SFT2D3: variants seen among roughly 807,000 people sequenced by gnomAD.
SFT2D3 encodes the protein SFT2 domain containing 3, also known as vesicle transport protein SFT2C.
For missense variants in SFT2D3, 405 were observed against 334.6 expected, an observed-to-expected ratio of 1.21 and a Z score of -1.64; for synonymous variants, 239 against 191.2, an observed-to-expected ratio of 1.25 and a Z score of -2.06.
Position 127,702,082 on chromosome 2 carries a change from T to C in SFT2D3, c.554T>C (p.Val185Ala), listed in dbSNP as rs1358766425. 1 of 1,225,488 alleles carries C rather than the reference T, an allele frequency of 8.2e-7. No homozygotes were observed. 75.9% of individuals were successfully genotyped at this position (1,225,488 alleles called of 1,614,324 possible). A position where few individuals can be genotyped will look rare whatever the true frequency, so the allele number is the denominator to read the frequency against. Reference sequence around the variant, plus strand: ...GTGGCCGCGCTGCTGGCCGCGCTGGTTGGGCTGCTGCCCTGGGGCGGCGGC... The same window carrying C: ...GTGGCCGCGCTGCTGGCCGCGCTGGCTGGGCTGCTGCCCTGGGGCGGCGGC... ...AQVAALLAALVGLLPWGGGTA... is the reference protein window; with the variant it reads ...AQVAALLAALAGLLPWGGGTA... The change falls in exon 1 of 1, where the codon GTT (valine) becomes GCT (alanine). Residue 185 changes from valine to alanine, a missense_variant. Physicochemically the swap from Val to Ala is moderately conservative, Grantham distance 64 (BLOSUM62 0). Transcript: ENST00000310981.
rs1319084902 is a variant in SFT2D3 at position 127,704,136 on chromosome 2, A to G, written c.*1960A>G. 6.0e-6 allele frequency: 1 copy of G among 166,618 alleles called. No homozygotes were observed. Among genetic ancestry groups the G allele is most frequent in the Non-Finnish European group, 1.5e-5 (1 of 68,080 alleles). The allele number at this position is 166,618 out of a possible 1,614,324, so 10.3% of individuals were successfully genotyped here. On this transcript the variant is annotated 3_prime_UTR_variant, in exon 1 of 1. Coordinates refer to ENST00000310981, the MANE Select transcript of SFT2D3 (RefSeq NM_032740.4). ...GACCTTGTCTCAAAAATTTTTTCTC[A>G]AATCAAACATCATTGAAAATCTACT...
rs1380760880 is a variant in SFT2D3 at position 127,704,462 on chromosome 2, G to C, written c.*2286G>C. ...GATATGGGTTTGGTCTCTGGATCCG[G>C]TTTTAGCTTCATGAAATTTGATTAC... On this transcript the variant is annotated 3_prime_UTR_variant, in exon 1 of 1. Transcript: ENST00000310981. 1 of 166,994 alleles carries C rather than the reference G, an allele frequency of 6.0e-6. No individual in the cohort carries two copies. The highest frequency in any genetic ancestry group is 2.4e-5 in the African/African-American group (1 of 41,408). The allele number at this position is 166,994 out of a possible 1,614,324, so 10.3% of individuals were successfully genotyped here. A position where few individuals can be genotyped will look rare whatever the true frequency, so the allele number is the denominator to read the frequency against.
Position 127,701,562 on chromosome 2 carries a change from C to T in SFT2D3, c.34C>T (p.Leu12=). The T allele has an allele frequency of 3.7e-6, 5 of 1,368,982 alleles. No homozygotes were observed. The highest frequency in any genetic ancestry group is 2.8e-4 in the Middle Eastern group (1 of 3,610). The allele number at this position is 1,368,982 out of a possible 1,614,324, so 84.8% of individuals were successfully genotyped here. A position where few individuals can be genotyped will look rare whatever the true frequency, so the allele number is the denominator to read the frequency against. ...ADLHRQLQEY[L]AQGKAGGPAA... ...CCTCCACCGCCAGCTGCAGGAGTAC[C>T]TGGCGCAGGGGAAAGCTGGCGGCCC... The change falls in exon 1 of 1, where the codon CTG becomes TTG. Residue 12 remains leucine (L), a synonymous_variant. Transcript: ENST00000310981.
Position 127,701,777 on chromosome 2 carries a change from C to T in SFT2D3, c.249C>T (p.Cys83=), listed in dbSNP as rs1685890532. The T allele has an allele frequency of 7.0e-7, 1 of 1,430,088 alleles. No homozygotes were observed. Among genetic ancestry groups the T allele is most frequent in the Non-Finnish European group, 9.2e-7 (1 of 1,091,960 alleles). The allele number at this position is 1,430,088 out of a possible 1,614,324, so 88.6% of individuals were successfully genotyped here. A position where few individuals can be genotyped will look rare whatever the true frequency, so the allele number is the denominator to read the frequency against. Residue 83 remains cysteine (C), a synonymous_variant, in exon 1 of 1, where the codon TGC becomes TGT. Coordinates refer to ENST00000310981, the MANE Select transcript of SFT2D3 (RefSeq NM_032740.4). The stretch of plus-strand genomic sequence containing the variant: ...AGCGGCTGGCGGCGGGCGGCGGGTG[C>T]CTGCTGCTGGCTGCACTGTGTTTCG... ...RGQRLAAGGG[C]LLLAALCFGL... is the part of the protein sequence containing the mutation.
Position 127,702,213 on chromosome 2 carries a change from G to A in SFT2D3, c.*37G>A, listed in dbSNP as rs1685909928. On this transcript the variant is annotated 3_prime_UTR_variant, in exon 1 of 1. Transcript: ENST00000310981. ...CCTCGCCGCTGGGGAAGTACGCGGAGCCAGCGCCGTCGGAGACCGCGCCGG... is the reference window on the plus strand; with the variant it reads ...CCTCGCCGCTGGGGAAGTACGCGGAACCAGCGCCGTCGGAGACCGCGCCGG... The A allele has an allele frequency of 8.3e-7, 1 of 1,208,018 alleles. No individual in the cohort carries two copies. The highest frequency in any genetic ancestry group is 1.0e-6 in the Non-Finnish European group (1 of 968,484). The allele number at this position is 1,208,018 out of a possible 1,614,324, so 74.8% of individuals were successfully genotyped here. A position where few individuals can be genotyped will look rare whatever the true frequency, so the allele number is the denominator to read the frequency against.
At position 127,701,572 on chromosome 2, in the gene SFT2D3, G is replaced by C. The variant is rs1685879141; in HGVS notation, c.44G>C (p.Gly15Ala). 1 of 1,355,766 alleles carries C rather than the reference G, an allele frequency of 7.4e-7. No homozygotes were observed. Among genetic ancestry groups the C allele is most frequent in the African/African-American group, 1.5e-5 (1 of 65,912 alleles). 84.0% of individuals were successfully genotyped at this position (1,355,766 alleles called of 1,614,324 possible). A position where few individuals can be genotyped will look rare whatever the true frequency, so the allele number is the denominator to read the frequency against. The change falls in exon 1 of 1, where the codon GGG becomes GCG. Residue 15 changes from glycine (G) to alanine (A), a missense_variant. Physicochemically the swap from Gly to Ala is moderately conservative, Grantham distance 60 (BLOSUM62 0). Coordinates refer to ENST00000310981, the MANE Select transcript of SFT2D3 (RefSeq NM_032740.4). ...CAGCTGCAGGAGTACCTGGCGCAGGGGAAAGCTGGCGGCCCGGCGGCCGCG... is the reference window on the plus strand; with the variant it reads ...CAGCTGCAGGAGTACCTGGCGCAGGCGAAAGCTGGCGGCCCGGCGGCCGCG... ...HRQLQEYLAQ[G>A]KAGGPAAAEP...
In SFT2D3 at chr2:127,702,068, G is replaced by A; in HGVS notation, c.540G>A (p.Leu180=). ...GCGCGGGCGCGCAGGTGGCCGCGCT[G>A]CTGGCCGCGCTGGTTGGGCTGCTGC... The part of the protein sequence containing the change: ...VLGAGAQVAA[L]LAALVGLLPW... Residue 180 remains leucine, a synonymous_variant, in exon 1 of 1, where the codon CTG becomes CTA. Coordinates refer to ENST00000310981, the MANE Select transcript of SFT2D3 (RefSeq NM_032740.4). 8.3e-7 allele frequency: 1 copy of A among 1,208,676 alleles called. No individual in the cohort carries two copies. Among genetic ancestry groups the A allele is most frequent in the East Asian group, 3.5e-5 (1 of 28,536 alleles). The allele number at this position is 1,208,676 out of a possible 1,614,324, so 74.9% of individuals were successfully genotyped here.
chr2:127,701,620 A>C lies in SFT2D3; in HGVS notation c.92A>C (p.Lys31Thr), dbSNP rs772446528. The C allele has an allele frequency of 1.5e-6, 2 of 1,334,176 alleles. No homozygotes were observed. Among genetic ancestry groups the C allele is most frequent in the Non-Finnish European group, 1.9e-6 (2 of 1,044,756 alleles). The allele number at this position is 1,334,176 out of a possible 1,614,324, so 82.6% of individuals were successfully genotyped here. Reference protein sequence around the residue: ...AAAEPLLAAEKAEEPGDRPAE... With the variant: ...AAAEPLLAAETAEEPGDRPAE... ...GCGGAGCCGCTGCTCGCCGCGGAGA[A>C]GGCGGAGGAGCCCGGGGACCGGCCG... Residue 31 changes from lysine (K) to threonine (T), a missense_variant, in exon 1 of 1, where the codon AAG (lysine) becomes ACG (threonine). Transcript: ENST00000310981.
Position 127,702,285 on chromosome 2 carries a change from C to T in SFT2D3, c.*109C>T, listed in dbSNP as rs1033010553. On this transcript the variant is annotated 3_prime_UTR_variant, in exon 1 of 1. Transcript: ENST00000310981. ...GCTGTGCGGAAGCCCGTGGCGAAGG[C>T]CCTGCCCTAACAGCCTGCGAGTCTA... 8 of 1,078,028 alleles carry T rather than the reference C, an allele frequency of 7.4e-6. No homozygotes were observed. In the African/African-American group the frequency reaches 1.3e-4, roughly 18 times the overall value. The allele number at this position is 1,078,028 out of a possible 1,614,324, so 66.8% of individuals were successfully genotyped here.
At position 127,701,805 on chromosome 2, in the gene SFT2D3, C is replaced by G; in HGVS notation, c.277C>G (p.Leu93Val). 1 of 1,456,228 alleles carries G rather than the reference C, an allele frequency of 6.9e-7. No homozygotes were observed. The highest frequency in any genetic ancestry group is 9.0e-7 in the Non-Finnish European group (1 of 1,108,344). The allele number at this position is 1,456,228 out of a possible 1,614,324, so 90.2% of individuals were successfully genotyped here. Residue 93 changes from leucine to valine, a missense_variant, in exon 1 of 1, where the codon CTA (leucine) becomes GTA (valine). Leu to Val is a conservative substitution (Grantham distance 32, BLOSUM62 1). Coordinates refer to ENST00000310981, the MANE Select transcript of SFT2D3 (RefSeq NM_032740.4). ...GCTGCTGGCTGCACTGTGTTTCGGC[C>G]TAGCCGCGCTCTACGCACCGGTGTT... ...CLLLAALCFG[L>V]AALYAPVLLL...
Position 127,704,625 on chromosome 2 carries a change from A to AAAT in SFT2D3, c.*2451_*2453dup, listed in dbSNP as rs1207116111. On this transcript the variant is annotated 3_prime_UTR_variant, in exon 1 of 1. Transcript: ENST00000310981. ...AGCTGTAATTTCAAAGTTAAAAAAAAAATAGTCTCTAGATTCTAACACTGA... is the reference window on the plus strand; with the variant it reads ...AGCTGTAATTTCAAAGTTAAAAAAAAAATAATAGTCTCTAGATTCTAACACTGA... The AAAT allele has an allele frequency of 6.0e-6, 1 of 167,080 alleles. No homozygotes were observed. The highest frequency in any genetic ancestry group is 2.1e-4 in the South Asian group (1 of 4,834). 10.3% of individuals were successfully genotyped at this position (167,080 alleles called of 1,614,324 possible). A position where few individuals can be genotyped will look rare whatever the true frequency, so the allele number is the denominator to read the frequency against.
At position 127,702,097 on chromosome 2, in the gene SFT2D3, G is replaced by T. The variant is rs1211302549; in HGVS notation, c.569G>T (p.Trp190Leu). ...GCCGCGCTGGTTGGGCTGCTGCCCTGGGGCGGCGGCACCGCGCTGCGCCTC... is the reference window on the plus strand; with the variant it reads ...GCCGCGCTGGTTGGGCTGCTGCCCTTGGGCGGCGGCACCGCGCTGCGCCTC... The part of the protein sequence containing the change: ...LLAALVGLLP[W>L]GGGTALRLAL... Residue 190 changes from tryptophan to leucine, a missense_variant, in exon 1 of 1, where the codon TGG becomes TTG. Trp to Leu is a moderately conservative substitution (Grantham distance 61). Coordinates refer to ENST00000310981, the MANE Select transcript of SFT2D3 (RefSeq NM_032740.4). 2 of 1,216,928 alleles carry T rather than the reference G, an allele frequency of 1.6e-6. No individual in the cohort carries two copies. The highest frequency in any genetic ancestry group is 1.6e-5 in the African/African-American group (1 of 63,186). The allele number at this position is 1,216,928 out of a possible 1,614,324, so 75.4% of individuals were successfully genotyped here. A position where few individuals can be genotyped will look rare whatever the true frequency, so the allele number is the denominator to read the frequency against.
rs1172241430 is a variant in SFT2D3, at chr2:127,701,757, C to T, written c.229C>T (p.Leu77=). The change falls in exon 1 of 1, where the codon CTG becomes TTG. Residue 77 remains leucine (L), a synonymous_variant. Coordinates refer to ENST00000310981, the MANE Select transcript of SFT2D3 (RefSeq NM_032740.4). ...CCCGAGCGTGACGCGCGGGCAGCGGCTGGCGGCGGGCGGCGGGTGCCTGCT... is the reference window on the plus strand; with the variant it reads ...CCCGAGCGTGACGCGCGGGCAGCGGTTGGCGGCGGGCGGCGGGTGCCTGCT... ...CLPSVTRGQR[L]AAGGGCLLLA... is the part of the protein sequence containing the mutation. The T allele has an allele frequency of 7.0e-7, 1 of 1,422,234 alleles. No individual in the cohort carries two copies. Among genetic ancestry groups the T allele is most frequent in the Non-Finnish European group, 9.2e-7 (1 of 1,087,706 alleles). The allele number at this position is 1,422,234 out of a possible 1,614,324, so 88.1% of individuals were successfully genotyped here. A position where few individuals can be genotyped will look rare whatever the true frequency, so the allele number is the denominator to read the frequency against.
In SFT2D3 at chr2:127,701,502, T is replaced by G; in HGVS notation, c.-27T>G. On this transcript the variant is annotated 5_prime_UTR_variant, in exon 1 of 1. Transcript: ENST00000310981. The stretch of plus-strand genomic sequence containing the variant: ...GAGGGCCGGAAGTGAGCCGCAGCTT[T>G]TCCTTTCTGCCACCGCCTTGTCCAA... The G allele has an allele frequency of 6.2e-6, 8 of 1,281,254 alleles. No homozygotes were observed. The highest frequency in any genetic ancestry group is 6.9e-6 in the Non-Finnish European group (7 of 1,010,714). The allele number at this position is 1,281,254 out of a possible 1,614,324, so 79.4% of individuals were successfully genotyped here.
Position 127,701,798 on chromosome 2 carries a change from T to TG in SFT2D3, c.270_271insG (p.Phe91ValfsTer150). 6.9e-7 allele frequency: 1 copy of TG among 1,454,318 alleles called. No homozygotes were observed. The highest frequency in any genetic ancestry group is 1.3e-5 in the South Asian group (1 of 77,258). The allele number at this position is 1,454,318 out of a possible 1,614,324, so 90.1% of individuals were successfully genotyped here. ...GGTGCCTGCTGCTGGCTGCACTGTG[T>TG]TTCGGCCTAGCCGCGCTCTACGCAC... On this transcript the variant is annotated frameshift_variant, in exon 1 of 1. Coordinates refer to ENST00000310981, the MANE Select transcript of SFT2D3 (RefSeq NM_032740.4). LOFTEE classifies it low-confidence loss of function (END_TRUNC).
At position 127,703,110 on chromosome 2, in the gene SFT2D3, G is replaced by A. The variant is rs1455873203; in HGVS notation, c.*934G>A. The A allele has an allele frequency of 1.2e-5, 2 of 167,010 alleles. No homozygotes were observed. Among genetic ancestry groups the A allele is most frequent in the Non-Finnish European group, 2.9e-5 (2 of 68,122 alleles). 10.3% of individuals were successfully genotyped at this position (167,010 alleles called of 1,614,324 possible). ...ACCTTAATTTATTGCCAGAAGGTAT[G>A]AGCCTAACATTCTGATGAGTCCAGA... On this transcript the variant is annotated 3_prime_UTR_variant, in exon 1 of 1. Coordinates refer to ENST00000310981, the MANE Select transcript of SFT2D3 (RefSeq NM_032740.4).
Position 127,701,553 on chromosome 2 carries a change from C to T in SFT2D3, c.25C>T (p.Gln9Ter), listed in dbSNP as rs747998902. 1.5e-5 allele frequency: 21 copies of T among 1,364,286 alleles called. No homozygotes were observed. Among genetic ancestry groups the T allele is most frequent in the African/African-American group, 3.0e-5 (2 of 65,998 alleles). 84.5% of individuals were successfully genotyped at this position (1,364,286 alleles called of 1,614,324 possible). A position where few individuals can be genotyped will look rare whatever the true frequency, so the allele number is the denominator to read the frequency against. Reference protein sequence around the residue: MADLHRQLQEYLAQGKAGG... With the variant: MADLHRQL ...GATGGCGGACCTCCACCGCCAGCTG[C>T]AGGAGTACCTGGCGCAGGGGAAAGC... is the stretch of plus-strand genomic sequence containing the variant. The change falls in exon 1 of 1, where the codon CAG (glutamine) becomes TAG (stop). Residue 9 changes from glutamine to a stop codon, truncating the protein, a stop_gained. Transcript: ENST00000310981. LOFTEE classifies it low-confidence loss of function (END_TRUNC).
rs913991344 is a variant in SFT2D3 at position 127,702,266 on chromosome 2, C to T, written c.*90C>T. Reference sequence around the variant, plus strand: ...GAGCTGAGGACTGCACGCCGCTGTGCGGAAGCCCGTGGCGAAGGCCCTGCC... The same window carrying T: ...GAGCTGAGGACTGCACGCCGCTGTGTGGAAGCCCGTGGCGAAGGCCCTGCC... On this transcript the variant is annotated 3_prime_UTR_variant, in exon 1 of 1. Coordinates refer to ENST00000310981, the MANE Select transcript of SFT2D3 (RefSeq NM_032740.4). 6.2e-6 allele frequency: 7 copies of T among 1,131,206 alleles called. No individual in the cohort carries two copies. The African/African-American group carries it at 6.6e-5, about 11-fold the overall frequency. 70.1% of individuals were successfully genotyped at this position (1,131,206 alleles called of 1,614,324 possible).
rs1355011363 is a variant in SFT2D3 at position 127,702,094 on chromosome 2, CCTGGGGCGGCGGCACCGCGCTGCG to C, written c.568_591del (p.Trp190_Arg197del). ...CTGGCCGCGCTGGTTGGGCTGCTGC[CCTGGGGCGGCGGCACCGCGCTGCG>C]CCTCGCACTGGGTCGCCTGGGCCGC... On this transcript the variant is annotated inframe_deletion, in exon 1 of 1. Coordinates refer to ENST00000310981, the MANE Select transcript of SFT2D3 (RefSeq NM_032740.4). 3.3e-6 allele frequency: 4 copies of C among 1,216,710 alleles called. No individual in the cohort carries two copies. The East Asian group carries it at 1.0e-4, about 31-fold the overall frequency. The allele number at this position is 1,216,710 out of a possible 1,614,324, so 75.4% of individuals were successfully genotyped here.
Sources: allele counts gnomAD v4.1 joint callset, GRCh38; gene constraint gnomAD v4.1.1; transcripts MANE v1.5; gene names NCBI Gene and HGNC (gene_info 2026-07-23, HGNC 2026-07-21).